Variants in UBE2H observed in about 807,000 individuals in gnomAD.
The protein encoded by UBE2H is ubiquitin conjugating enzyme E2 H, also known as ubiquitin-conjugating enzyme E2 H.
A neutral mutation model predicts 29.0 loss-of-function variants in UBE2H; 3 were observed. That is an observed-to-expected ratio of 0.10 (90% CI 0.05 to 0.27). The LOEUF (loss-of-function observed/expected upper bound fraction) is 0.27. Ranked by LOEUF, UBE2H falls within the 10% of genes least tolerant of loss-of-function variation. UBE2H has a pLI of 1.00. For synonymous variants in UBE2H, 69 were observed against 82.9 expected (o/e 0.83, Z 0.91); for missense variants, 68 against 228.2 (o/e 0.30, Z 4.52).
At chr7:129,877,747 A>G (rs2116364781) in intron 3 of UBE2H, among the ~76,000 whole-genome samples, 1 of 152,354 alleles carries the variant, frequency 6.6e-6, no homozygotes, top group Admixed American at 6.5e-5. Context: ...TAGTTAATAA[A>G]CAAGCAATGC....
At chr7:129,848,541 C>T (rs1805552280) in intron 5 of UBE2H, among the ~76,000 whole-genome samples, 1 of 152,176 alleles carries the variant, frequency 6.6e-6, no homozygotes, top group African/African-American at 2.4e-5. Flanking sequence ...TGATGATTCC[C>T]TCTGTGACTT....
In UBE2H at chr7:129,937,246, G is replaced by A. The variant is rs538816012; in HGVS notation, c.53+15257C>T. Among the ~76,000 whole-genome samples, 90 of 150,806 alleles carry A rather than the reference G, an allele frequency of 6.0e-4. 1 individual carries two copies. The highest frequency in any genetic ancestry group is 8.3e-4 in the Non-Finnish European group (56 of 67,644). On this transcript the variant is annotated intron_variant, in intron 1 of 6. Transcript: ENST00000355621. ...CGGAAGGCTGAGGCAGGAGAATGGC[G>A]TGAACCCAGGAGGCAGAGCTTGCAG...
chr7:129,949,052 G>T (rs921577520), intron 1 of UBE2H: 4 of 456,458 alleles, frequency 8.8e-6, no homozygotes, highest in Non-Finnish European at 1.8e-5. Context: ...GCGGCCTTTT[G>T]CCTGCATACG....
intron 6 of UBE2H, among the ~76,000 whole-genome samples, chr7:129,836,233 C>A (rs1178605728): frequency 6.6e-6 from 1 of 152,172 alleles, no homozygotes; most frequent in East Asian, 1.9e-4. Context: ...GACTATTTTG[C>A]GTCTTCCTTT....
chr7:129,926,113 T>C (rs1807263243), intron 1 of UBE2H, among the ~76,000 whole-genome samples: 1 of 152,228 alleles, frequency 6.6e-6, no homozygotes, highest in Admixed American at 6.5e-5. Context: ...CCTATAGTTA[T>C]TCCACTGTAT....
intron 1 of UBE2H, among the ~76,000 whole-genome samples, chr7:129,889,162 G>A (rs1014432346): frequency 2.6e-5 from 4 of 152,188 alleles, no homozygotes; most frequent in Non-Finnish European, 5.9e-5. Flanking sequence ...TGGCAAACAG[G>A]GAAACAGTAT....
intron 1 of UBE2H, among the ~76,000 whole-genome samples, chr7:129,937,164 C>T (rs1197835760): frequency 6.7e-6 from 1 of 150,302 alleles, no homozygotes; most frequent in Non-Finnish European, 1.5e-5. Flanking sequence ...CCCGTCTCTA[C>T]AAAAATACAA....
intron 6 of UBE2H, among the ~76,000 whole-genome samples, chr7:129,838,444 G>A (rs185947468): frequency 2.6e-5 from 4 of 152,258 alleles, no homozygotes; most frequent in Admixed American, 2.0e-4. Context: ...GGACTGCTAT[G>A]CAGATAGGCC....
chr7:129,855,934 T>C (rs532954757), intron 5 of UBE2H, among the ~76,000 whole-genome samples: 1 of 152,048 alleles, frequency 6.6e-6, no homozygotes, highest in South Asian at 2.1e-4. Flanking sequence ...AAAAAATATA[T>C]ATACAACTGG....
At chr7:129,942,790 A>T (rs1287858265) in intron 1 of UBE2H, among the ~76,000 whole-genome samples, 1 of 152,180 alleles carries the variant, frequency 6.6e-6, no homozygotes, top group African/African-American at 2.4e-5. Flanking sequence ...CCTTACTAGC[A>T]AATATAAAAA....
chr7:129,858,100 T>G (rs1411912568), intron 4 of UBE2H, among the ~76,000 whole-genome samples: 2 of 152,184 alleles, frequency 1.3e-5, no homozygotes, highest in Non-Finnish European at 2.9e-5. Flanking sequence ...ACTGGATCCT[T>G]TATTGAAAGA....
chr7:129,872,943 C>A (rs1806071931), intron 3 of UBE2H, among the ~76,000 whole-genome samples: 1 of 150,566 alleles, frequency 6.6e-6, no homozygotes. Flanking sequence ...GACAGGCTGT[C>A]CAGTCTAGTG....
At chr7:129,931,633 T>C (rs1361576235) in intron 1 of UBE2H, among the ~76,000 whole-genome samples, 1 of 152,148 alleles carries the variant, frequency 6.6e-6, no homozygotes, top group Non-Finnish European at 1.5e-5. Context: ...TCATATGTGC[T>C]TCTGTATTGA....
intron 3 of UBE2H, among the ~76,000 whole-genome samples, chr7:129,876,516 T>C (rs1242209593): frequency 6.6e-6 from 1 of 152,250 alleles, no homozygotes; most frequent in African/African-American, 2.4e-5. Context: ...ATGTTATAGT[T>C]GATTAAAGGA....
chr7:129,846,173 C>T (rs897330455), intron 5 of UBE2H, among the ~76,000 whole-genome samples: 6 of 152,162 alleles, frequency 3.9e-5, no homozygotes, highest in African/African-American at 1.2e-4. Flanking sequence ...GAACCAGTGA[C>T]CACAAGTTAT....
intron 3 of UBE2H, among the ~76,000 whole-genome samples, chr7:129,877,813 GA>G (rs11297139): frequency 0.96 from 146,418 of 152,192 alleles, 70,597 homozygotes; most frequent in East Asian, 1. Flanking sequence ...ATATTATCTA[GA>G]AAAAATACAT....
At chr7:129,944,933 TAATAG>T (rs894967224) in intron 1 of UBE2H, among the ~76,000 whole-genome samples, 62 of 152,106 alleles carry the variant, frequency 4.1e-4, no homozygotes, top group African/African-American at 1.4e-3. Flanking sequence ...TATATCCACA[TAATAG>T]AATACTACTC....
At chr7:129,919,622 T>G (rs1025568752) in intron 1 of UBE2H, among the ~76,000 whole-genome samples, 1 of 152,182 alleles carries the variant, frequency 6.6e-6, no homozygotes, top group Non-Finnish European at 1.5e-5. Context: ...AGGTCAAACT[T>G]CATCTCTTGG....
At chr7:129,927,536 T>C (rs749776880) in intron 1 of UBE2H, among the ~76,000 whole-genome samples, 7 of 152,098 alleles carry the variant, frequency 4.6e-5, no homozygotes, top group Non-Finnish European at 1.0e-4. Flanking sequence ...CGAGACTCCG[T>C]CTCAAAAATA....
Sources: allele counts gnomAD v4.1 joint callset (sites outside exome capture counted in the v4.1 genomes callset), GRCh38; gene constraint gnomAD v4.1.1; transcripts MANE v1.5; gene names NCBI Gene and HGNC (gene_info 2026-07-23, HGNC 2026-07-21).